The following GPATCH8 variants were observed in gnomAD, a reference collection of about 807,000 sequenced individuals.
GPATCH8 encodes G patch domain-containing protein 8.
GPATCH8 carries 18 observed loss-of-function variants against 118.3 expected under a neutral mutation model. That is an observed-to-expected ratio of 0.15 (90% CI 0.11 to 0.23). GPATCH8 has a LOEUF of 0.23. Among genes scored for constraint, GPATCH8 ranks in the 10% least tolerant of loss-of-function variants. The pLI is 1.00. For missense variants in GPATCH8, 1,631 were observed against 1,873.8 expected (o/e 0.87, Z 2.39); for synonymous variants, 659 against 684.7 (o/e 0.96, Z 0.59).
chr17:44,479,511 C>G (rs1363073199), intron 1 of GPATCH8, among the ~76,000 whole-genome samples: 1 of 152,110 alleles, frequency 6.6e-6, no homozygotes, highest in Non-Finnish European at 1.5e-5. Context: ...GAGCTTCAAT[C>G]CATACTTTGA....
At position 44,395,832 on chromosome 17, in the gene GPATCH8, G is replaced by A. The variant is rs553678621; in HGVS notation, c.*1736C>T. 1 of 453,954 alleles carries A rather than the reference G, an allele frequency of 2.2e-6. No homozygotes were observed. The highest frequency in any genetic ancestry group is 4.4e-6 in the Non-Finnish European group (1 of 226,784). 28.1% of individuals were successfully genotyped at this position (453,954 alleles called of 1,614,324 possible). A position where few individuals can be genotyped will look rare whatever the true frequency, so the allele number is the denominator to read the frequency against. On this transcript the variant is annotated 3_prime_UTR_variant, in exon 8 of 8. Transcript: ENST00000591680. ...GAATAGTTAGGAAAATGCCAAAGTG[G>A]GAATTGTTAACCTCATCAAAGGAGA...
At chr17:44,484,989 A>AT (rs948323019) in intron 1 of GPATCH8, among the ~76,000 whole-genome samples, 5 of 150,100 alleles carry the variant, frequency 3.3e-5, no homozygotes, top group Non-Finnish European at 5.9e-5. Flanking sequence ...ATTTTTTTGT[A>AT]TTTTTTTTAG....
intron 3 of GPATCH8, among the ~76,000 whole-genome samples, chr17:44,439,605 G>A (rs1200005335): frequency 6.6e-6 from 1 of 152,004 alleles, no homozygotes. Flanking sequence ...ACAGGAAGAG[G>A]CTGCAGCATT....
intron 3 of GPATCH8, among the ~76,000 whole-genome samples, chr17:44,458,635 C>T (rs749586612): frequency 1.3e-5 from 2 of 152,108 alleles, no homozygotes; most frequent in Non-Finnish European, 1.5e-5. Context: ...GATCCTCCTG[C>T]CTCAGCCTTC....
At chr17:44,405,600 G>T (rs890645136) in intron 7 of GPATCH8, among the ~76,000 whole-genome samples, 15 of 151,352 alleles carry the variant, frequency 9.9e-5, no homozygotes, top group South Asian at 2.1e-4. Flanking sequence ...TGCCTCTCAG[G>T]TTCACGCCAT....
chr17:44,441,489 T>A (rs1207221487), intron 3 of GPATCH8, among the ~76,000 whole-genome samples: 1 of 151,172 alleles, frequency 6.6e-6, no homozygotes, highest in East Asian at 2.0e-4. Context: ...TGTGGGAGGC[T>A]GAGGCGGGCA....
At position 44,401,072 on chromosome 17, in the gene GPATCH8, A is replaced by G. The variant is rs758777925; in HGVS notation, c.1005T>C (p.Asp335=). The G allele has an allele frequency of 5.0e-6, 8 of 1,613,866 alleles. No homozygotes were observed. The highest frequency in any genetic ancestry group is 2.2e-5 in the East Asian group (1 of 44,900). Residue 335 remains aspartate (D), a synonymous_variant, in exon 8 of 8, where the codon GAT becomes GAC. Transcript: ENST00000591680. The part of the protein sequence containing the change: ...EGTSEDGTKP[D]EKSSDQGLQK... ...GCAGTCCTTGGTCAGAACTCTTCTCATCGGGTTTTGTTCCATCTTCAGAGG... is the reference window on the plus strand; with the variant it reads ...GCAGTCCTTGGTCAGAACTCTTCTCGTCGGGTTTTGTTCCATCTTCAGAGG...
intron 1 of GPATCH8, among the ~76,000 whole-genome samples, chr17:44,477,939 A>G (rs1967907809): frequency 6.7e-6 from 1 of 150,324 alleles, no homozygotes; most frequent in Non-Finnish European, 1.5e-5. Flanking sequence ...CCTCCGGAGT[A>G]GCTGGGATTA....
At chr17:44,432,591 T>C (rs1170821492) in intron 5 of GPATCH8, among the ~76,000 whole-genome samples, 2 of 152,050 alleles carry the variant, frequency 1.3e-5, no homozygotes, top group Non-Finnish European at 2.9e-5. Flanking sequence ...ACAAAAGGAC[T>C]AGGAGGAAAG....
intron 3 of GPATCH8, among the ~76,000 whole-genome samples, chr17:44,457,731 C>T (rs1299805877): frequency 1.3e-5 from 2 of 152,014 alleles, no homozygotes; most frequent in Non-Finnish European, 2.9e-5. Flanking sequence ...CCCAGGAGTT[C>T]GAGACCAGCC....
At chr17:44,497,890 G>A (rs1969783110) in intron 1 of GPATCH8, among the ~76,000 whole-genome samples, 1 of 151,462 alleles carries the variant, frequency 6.6e-6, no homozygotes, top group South Asian at 2.1e-4. Context: ...CATGAGCCAA[G>A]ATCCCACAAC....
chr17:44,485,702 T>C (rs1440423371), intron 1 of GPATCH8, among the ~76,000 whole-genome samples: 1 of 152,162 alleles, frequency 6.6e-6, no homozygotes, highest in Non-Finnish European at 1.5e-5. Context: ...TTAACTCACT[T>C]TTACTTTGAA....
intron 1 of GPATCH8, among the ~76,000 whole-genome samples, chr17:44,493,071 T>A (rs1391043786): frequency 1.3e-5 from 2 of 150,788 alleles, no homozygotes; most frequent in Admixed American, 6.6e-5. Flanking sequence ...TTTTTTTTTT[T>A]AAGACAGAGT....
At chr17:44,453,007 AT>A (rs763948730) in intron 3 of GPATCH8, among the ~76,000 whole-genome samples, 9 of 151,934 alleles carry the variant, frequency 5.9e-5, no homozygotes, top group Non-Finnish European at 1.2e-4. Context: ...TTTTCTTTGC[AT>A]TTTAAGTAGA....
In GPATCH8 at chr17:44,399,294, T is replaced by C. The variant is rs2048912283; in HGVS notation, c.2783A>G (p.Tyr928Cys). ...GCTATAGTCATCATCAGAAGATGAA[T>C]ATTTGTGCCGTTTTGATCGGTGTTT... ...SSKHRSKRHK[Y>C]SSSDDDYSLS... The change falls in exon 8 of 8, where the codon TAT becomes TGT. Residue 928 changes from tyrosine to cysteine, a missense_variant. Tyr to Cys is a radical substitution (Grantham distance 194). Coordinates refer to ENST00000591680, the MANE Select transcript of GPATCH8 (RefSeq NM_001002909.4). 1.2e-6 allele frequency: 2 copies of C among 1,613,842 alleles called. No individual in the cohort carries two copies. Among genetic ancestry groups the C allele is most frequent in the Admixed American group, 1.7e-5 (1 of 60,000 alleles).
rs1315127718 is a variant in GPATCH8 at position 44,398,421 on chromosome 17, T to G, written c.3656A>C (p.His1219Pro). Residue 1219 changes from histidine to proline, a missense_variant, in exon 8 of 8, where the codon CAC becomes CCC. His to Pro is a moderately conservative substitution (Grantham distance 77). Coordinates refer to ENST00000591680, the MANE Select transcript of GPATCH8 (RefSeq NM_001002909.4). ...ESKSGEATAD[H>P]PVAPLGTPAH... ...TGGGGTGCCTAGTGGAGCCACAGGG[T>G]GATCAGCAGTAGCTTCTCCAGACTT... The G allele has an allele frequency of 6.2e-7, 1 of 1,613,864 alleles. No individual in the cohort carries two copies.
rs575764940 is a variant in GPATCH8, at chr17:44,465,341, T to C, written c.121-797A>G. On this transcript the variant is annotated intron_variant, in intron 2 of 7. Transcript: ENST00000591680. The stretch of plus-strand genomic sequence containing the variant: ...ATGTAGGGGTAGAAACCAACATACA[T>C]AATGTCTCATCTTCCCAGGAGCACA... 6 of 152,252 alleles carry C rather than the reference T, an allele frequency of 3.9e-5. No individual in the cohort carries two copies. The East Asian group carries it at 7.7e-4, about 20-fold the overall frequency. 9.4% of individuals were successfully genotyped at this position (152,252 alleles called of 1,614,324 possible).
rs1449360965 is a variant in GPATCH8, at chr17:44,398,161, C to G, written c.3916G>C (p.Glu1306Gln). The change falls in exon 8 of 8, where the codon GAA (glutamate) becomes CAA (glutamine). Residue 1306 changes from glutamate (E) to glutamine (Q), a missense_variant. By Grantham distance (29) the Glu-to-Gln change is conservative (BLOSUM62 2). Coordinates refer to ENST00000591680, the MANE Select transcript of GPATCH8 (RefSeq NM_001002909.4). The stretch of plus-strand genomic sequence containing the variant: ...GGGGTGAAGGTGATGGGCTGGCTTT[C>G]CAGGGGGGCCAGTGAAGCATCCTCA... ...GAEDASLAPL[E>Q]SQPITFTPEE... 6 of 1,613,440 alleles carry G rather than the reference C, an allele frequency of 3.7e-6. No individual in the cohort carries two copies. The highest frequency in any genetic ancestry group is 5.1e-6 in the Non-Finnish European group (6 of 1,179,610).
chr17:44,464,926 C>CTTT, intron 2 of GPATCH8: 1 of 179,154 alleles, frequency 5.6e-6, no homozygotes. Flanking sequence ...AACAGCACCA[C>CTTT]TTTAAGATTT....
Sources: gnomAD v4.1 joint callset for allele counts (sites outside exome capture counted in the v4.1 genomes callset) on GRCh38, gnomAD v4.1.1 for gene constraint, MANE v1.5 for transcripts, NCBI Gene and HGNC (gene_info 2026-07-23, HGNC 2026-07-21) for gene names.